Variants in RAB11FIP4 observed in about 807,000 individuals in gnomAD.
RAB11FIP4 encodes the protein rab11 family-interacting protein 4.
A neutral mutation model predicts 74.3 loss-of-function variants in RAB11FIP4; 23 were observed. The observed-to-expected ratio is 0.31, with a 90% CI of 0.22 to 0.44. The LOEUF (loss-of-function observed/expected upper bound fraction) is 0.44. RAB11FIP4 is among the 20% of genes least tolerant of loss of function. The pLI is 1.00. For synonymous variants in RAB11FIP4, 360 were observed against 359.9 expected (o/e 1.00, Z 0.00); for missense variants, 630 against 863.9 (o/e 0.73, Z 3.39).
intron 3 of RAB11FIP4, among the ~76,000 whole-genome samples, chr17:31,505,546 A>G (rs1276404706): frequency 2.2e-5 from 2 of 88,986 alleles, no homozygotes; most frequent in East Asian, 4.9e-4. Context: ...ATTATATATT[A>G]TATATAATAA....
At chr17:31,483,193 A>C (rs1343370603) in intron 3 of RAB11FIP4, among the ~76,000 whole-genome samples, 1 of 21,698 alleles carries the variant, frequency 4.6e-5, no homozygotes, top group African/African-American at 1.3e-4. Context: ...ACTGCATCTC[A>C]AAAAAAAAAA....
At chr17:31,454,440 A>G (rs1246384785) in intron 3 of RAB11FIP4, among the ~76,000 whole-genome samples, 2 of 151,976 alleles carry the variant, frequency 1.3e-5, no homozygotes, top group Non-Finnish European at 2.9e-5. Context: ...CGCCCAACTA[A>G]TTTTTGTATT....
chr17:31,523,261 C>T (rs79648083), intron 7 of RAB11FIP4: 80,415 of 542,274 alleles, frequency 0.15, 7,076 homozygotes, highest in Middle Eastern at 0.2. Flanking sequence ...GTTCTGAGGC[C>T]GCAGGAGAAG....
chr17:31,469,304 G>A (rs1567666345), intron 3 of RAB11FIP4, among the ~76,000 whole-genome samples: 1 of 152,084 alleles, frequency 6.6e-6, no homozygotes, highest in Non-Finnish European at 1.5e-5. Flanking sequence ...CACATAGGCA[G>A]GTCCAAATGG....
intron 3 of RAB11FIP4, among the ~76,000 whole-genome samples, chr17:31,461,843 T>C (rs2071637009): frequency 1.3e-5 from 2 of 152,130 alleles, no homozygotes; most frequent in Non-Finnish European, 2.9e-5. Context: ...CCATTTCTAC[T>C]GAATGGGAAT....
At chr17:31,395,819 T>C (rs2070923774) in intron 1 of RAB11FIP4, among the ~76,000 whole-genome samples, 1 of 152,182 alleles carries the variant, frequency 6.6e-6, no homozygotes, top group Non-Finnish European at 1.5e-5. Flanking sequence ...TACTTAATAA[T>C]GTTATTTATG....
intron 1 of RAB11FIP4, among the ~76,000 whole-genome samples, chr17:31,412,082 A>T (rs1035715651): frequency 2.0e-5 from 3 of 152,046 alleles, no homozygotes; most frequent in African/African-American, 7.2e-5. Context: ...ACCCACCAGA[A>T]TTTCTCCTCC....
chr17:31,411,129 C>G (rs1021476973), intron 1 of RAB11FIP4, among the ~76,000 whole-genome samples: 1 of 152,082 alleles, frequency 6.6e-6, no homozygotes, highest in Non-Finnish European at 1.5e-5. Flanking sequence ...TTTGGGAGGC[C>G]GAGGCGGGTG....
intron 1 of RAB11FIP4, among the ~76,000 whole-genome samples, chr17:31,425,909 G>A (rs1404119402): frequency 1.3e-5 from 2 of 152,200 alleles, no homozygotes; most frequent in Non-Finnish European, 2.9e-5. Context: ...ACCACATGGG[G>A]TGGCTATTTG....
intron 1 of RAB11FIP4, among the ~76,000 whole-genome samples, chr17:31,421,665 T>C (rs2071201197): frequency 6.6e-6 from 1 of 151,076 alleles, no homozygotes; most frequent in Non-Finnish European, 1.5e-5. Context: ...CAAGTGATTC[T>C]CTTGCCTCAG....
intron 3 of RAB11FIP4, among the ~76,000 whole-genome samples, chr17:31,475,799 GT>G (rs11451772): frequency 2.1e-4 from 30 of 142,102 alleles, no homozygotes; most frequent in African/African-American, 2.6e-4. Flanking sequence ...TTTTTGTGTG[GT>G]TTTTTTTTTT....
intron 3 of RAB11FIP4, among the ~76,000 whole-genome samples, chr17:31,505,219 T>G (rs1209145646): frequency 1.3e-5 from 2 of 151,222 alleles, no homozygotes; most frequent in Non-Finnish European, 2.9e-5. Flanking sequence ...TGCAGCAATC[T>G]GTAGGGTGAT....
chr17:31,500,333 C>G (rs538903903), intron 3 of RAB11FIP4, among the ~76,000 whole-genome samples: 11 of 152,074 alleles, frequency 7.2e-5, no homozygotes, highest in Non-Finnish European at 1.6e-4. Context: ...GAGCAGGGTG[C>G]CCACGTGTCC....
intron 1 of RAB11FIP4, among the ~76,000 whole-genome samples, chr17:31,397,863 C>T (rs1212908865): frequency 6.6e-6 from 1 of 150,950 alleles, no homozygotes; most frequent in African/African-American, 2.4e-5. Context: ...TCTTATCAGA[C>T]ACGCCCCTGC....
At chr17:31,530,261 A>G (rs1270421216) in intron 13 of RAB11FIP4, 65 bp from the exon 14 acceptor site, 13 of 1,586,398 alleles carry the variant, frequency 8.2e-6, no homozygotes, top group Admixed American at 3.4e-5. Context: ...GATGTGGAGA[A>G]GTGGGTTCCA....
intron 3 of RAB11FIP4, among the ~76,000 whole-genome samples, chr17:31,434,608 A>G (rs1479691350): frequency 2.0e-5 from 3 of 151,946 alleles, no homozygotes; most frequent in Non-Finnish European, 4.4e-5. Flanking sequence ...AGACTGCCCC[A>G]CCTCCCACGC....
intron 3 of RAB11FIP4, among the ~76,000 whole-genome samples, chr17:31,477,471 C>T (rs2071804693): frequency 6.6e-6 from 1 of 152,164 alleles, no homozygotes; most frequent in Non-Finnish European, 1.5e-5. Flanking sequence ...TGGGAGGGTG[C>T]GAAGCTGACA....
intron 4 of RAB11FIP4, among the ~76,000 whole-genome samples, chr17:31,519,007 C>CTTTTTTTT (rs1190316585): frequency 1.1e-4 from 8 of 73,978 alleles, no homozygotes; most frequent in East Asian, 4.6e-4. Flanking sequence ...TAAGTTTTGT[C>CTTTTTTTT]TTTTTTTTTT....
chr17:31,394,693 G>A (rs2151611540), intron 1 of RAB11FIP4, among the ~76,000 whole-genome samples: 1 of 152,216 alleles, frequency 6.6e-6, no homozygotes, highest in South Asian at 2.1e-4. Flanking sequence ...ATCACTCTCA[G>A]CTGTGCTGCT....
Sources: allele counts gnomAD v4.1 joint callset (sites outside exome capture counted in the v4.1 genomes callset), GRCh38; gene constraint gnomAD v4.1.1; transcripts MANE v1.5; gene names NCBI Gene and HGNC (gene_info 2026-07-23, HGNC 2026-07-21).